C1QTNF6: variants seen among roughly 807,000 people sequenced by gnomAD.
The protein encoded by C1QTNF6 is C1q and TNF related 6, also known as complement C1q tumor necrosis factor-related protein 6.
A neutral mutation model predicts 20.7 loss-of-function variants in C1QTNF6; 17 were observed. The ratio of observed to expected loss-of-function variants is 0.82; its 90% CI spans 0.56 to 1.23. The LOEUF is 1.23. Ranked by LOEUF, C1QTNF6 falls within the 50% of genes most tolerant of loss-of-function variation. The pLI is 0.00. For missense variants in C1QTNF6, 329 were observed against 389.7 expected (o/e 0.84, Z 1.31); for synonymous variants, 130 against 156.3 (o/e 0.83, Z 1.25).
At chr22:37,194,043 C>G (rs1924984838) in intron 2 of C1QTNF6, among the ~76,000 whole-genome samples, 1 of 152,142 alleles carries the variant, frequency 6.6e-6, no homozygotes, top group African/African-American at 2.4e-5. Flanking sequence ...ATTTTTAGGG[C>G]TATCACATGA....
At chr22:37,191,366 C>T (rs1601637288), upstream of C1QTNF6, among the ~76,000 whole-genome samples, 1 of 152,080 alleles carries the variant, frequency 6.6e-6, no homozygotes, top group African/African-American at 2.4e-5. Context: ...ATACCAATAA[C>T]ATATTTATAT....
Position 37,182,096 on chromosome 22 carries a change from G to C in C1QTNF6, c.*92C>G, listed in dbSNP as rs967508866. On this transcript the variant is annotated 3_prime_UTR_variant, in exon 3 of 3. Transcript: ENST00000337843. ...ATGCCAGGTCCCCGGGGACCTCCCTGGCCTTCCTGCTTCACAGCAGTGCAA... is the reference window on the plus strand; with the variant it reads ...ATGCCAGGTCCCCGGGGACCTCCCTCGCCTTCCTGCTTCACAGCAGTGCAA... 1.4e-6 allele frequency: 2 copies of C among 1,403,544 alleles called. No homozygotes were observed. The highest frequency in any genetic ancestry group is 2.9e-5 in the African/African-American group (2 of 69,094). 86.9% of individuals were successfully genotyped at this position (1,403,544 alleles called of 1,614,324 possible). A position where few individuals can be genotyped will look rare whatever the true frequency, so the allele number is the denominator to read the frequency against.
At chr22:37,188,283 A>AAGAGGGAGAGAGGAGGGGAT, upstream of C1QTNF6, 1 of 1,153,062 alleles carries the variant, frequency 8.7e-7, no homozygotes, top group South Asian at 1.4e-5. Context: ...GGCCCAGCAG[A>AAGAGGGAGAGAGGAGGGGAT]GGAGGGAGAG....
chr22:37,192,451 A>G (rs1924879331), upstream of C1QTNF6, among the ~76,000 whole-genome samples: 1 of 147,926 alleles, frequency 6.8e-6, no homozygotes, highest in South Asian at 2.2e-4. Context: ...TAACTCGACA[A>G]GTCCCCAGGC....
At chr22:37,183,423 C>T (rs748546795) in intron 2 of C1QTNF6, among the ~76,000 whole-genome samples, 1 of 152,246 alleles carries the variant, frequency 6.6e-6, no homozygotes, top group Non-Finnish European at 1.5e-5. Context: ...TGGCCCATCC[C>T]GACCTGCTCT....
chr22:37,188,242 A>G lies in C1QTNF6; in HGVS notation c.-29T>C. On this transcript the variant is annotated 5_prime_UTR_variant, in exon 1 of 3. Transcript: ENST00000337843. ...CTCTGGCTCCTTGGCCCATGTCTGC[A>G]ATACTAACTTGTTGCTGGCCCAGAC... 1 of 1,582,992 alleles carries G rather than the reference A, an allele frequency of 6.3e-7. No individual in the cohort carries two copies. The highest frequency in any genetic ancestry group is 8.6e-7 in the Non-Finnish European group (1 of 1,162,608).
chr22:37,197,049 C>T (rs1449334078), intron 1 of C1QTNF6: 1 of 152,308 alleles, frequency 6.6e-6, no homozygotes, highest in Non-Finnish European at 1.5e-5. Context: ...TGGCAGACTA[C>T]AATCCAAGCT....
intron 2 of C1QTNF6, among the ~76,000 whole-genome samples, chr22:37,194,991 G>A (rs181779564): frequency 8.5e-5 from 13 of 152,328 alleles, no homozygotes; most frequent in Admixed American, 6.5e-4. Flanking sequence ...TCAGGAGGTC[G>A]CTTGTCAGTA....
intron 1 of C1QTNF6, 99 bp downstream of exon 1, chr22:37,188,064 A>G: frequency 1.6e-6 from 2 of 1,278,748 alleles, no homozygotes; most frequent in South Asian, 1.4e-5. Flanking sequence ...TCAGAGGGAG[A>G]GAGCAGGGCC....
chr22:37,182,804 A>G, intron 2 of C1QTNF6, 69 bp from the exon 3 acceptor site: 1 of 1,484,176 alleles, frequency 6.7e-7, no homozygotes, highest in Non-Finnish European at 8.9e-7. Context: ...GCCCACACTC[A>G]TCTGTGACGG....
Position 37,182,229 on chromosome 22 carries a change from T to C in C1QTNF6, c.796A>G (p.Ile266Val), listed in dbSNP as rs763206447. Residue 266 changes from isoleucine (I) to valine (V), a missense_variant, in exon 3 of 3, where the codon ATC (isoleucine) becomes GTC (valine). Ile to Val is a conservative substitution (Grantham distance 29). Transcript: ENST00000337843. ...TTGATGAGGTGGCCGCTGAAGGTGATGTAGGTGTCGAAGTCGTTGCTGTAG... is the reference window on the plus strand; with the variant it reads ...TTGATGAGGTGGCCGCTGAAGGTGACGTAGGTGTCGAAGTCGTTGCTGTAG... ...AIYSNDFDTY[I>V]TFSGHLIKAE... 1.2e-6 allele frequency: 2 copies of C among 1,613,856 alleles called. No homozygotes were observed. Among genetic ancestry groups the C allele is most frequent in the Middle Eastern group, 1.6e-4 (1 of 6,084 alleles).
At chr22:37,191,274 T>C (rs2145778316), upstream of C1QTNF6, among the ~76,000 whole-genome samples, 1 of 152,300 alleles carries the variant, frequency 6.6e-6, no homozygotes, top group Middle Eastern at 3.4e-3. Context: ...ATCATAACAA[T>C]TATAATTATT....
In C1QTNF6 at chr22:37,181,939, G is replaced by T. The variant is rs1448849083; in HGVS notation, c.*249C>A. On this transcript the variant is annotated 3_prime_UTR_variant, in exon 3 of 3. Coordinates refer to ENST00000337843, the MANE Select transcript of C1QTNF6 (RefSeq NM_031910.4). ...CATTTCCAAGTTTGAGAAGTGCTGG[G>T]CTACGAGGCTGGGAAAGTTCTAGAA... 11 of 520,594 alleles carry T rather than the reference G, an allele frequency of 2.1e-5. No individual in the cohort carries two copies. Among genetic ancestry groups the T allele is most frequent in the Non-Finnish European group, 1.0e-5 (3 of 294,456 alleles). The allele number at this position is 520,594 out of a possible 1,614,324, so 32.2% of individuals were successfully genotyped here. A position where few individuals can be genotyped will look rare whatever the true frequency, so the allele number is the denominator to read the frequency against.
At chr22:37,185,505 A>G (rs1412895776) in intron 1 of C1QTNF6, 50 bp from the exon 2 acceptor site, 2 of 1,502,860 alleles carry the variant, frequency 1.3e-6, no homozygotes, top group Admixed American at 2.0e-5. Flanking sequence ...AACATCTACT[A>G]TGTGCCGATG....
intron 1 of C1QTNF6, among the ~76,000 whole-genome samples, chr22:37,187,241 AAGG>A (rs934577198): frequency 1.3e-5 from 2 of 150,972 alleles, no homozygotes; most frequent in Admixed American, 6.6e-5. Context: ...TCTGCTCAAT[AAGG>A]AGGTCAAATC....
In C1QTNF6 at chr22:37,187,654, G is replaced by A. The variant is rs111830933; in HGVS notation, c.51+509C>T. ...AAGGAGAACTTCTCCCAGAGGACTG[G>A]CATGGTTTGGGAGCATTTCTGTTTC... On this transcript the variant is annotated intron_variant, in intron 1 of 2. Coordinates refer to ENST00000337843, the MANE Select transcript of C1QTNF6 (RefSeq NM_031910.4). 6.1e-3 allele frequency among the ~76,000 whole-genome samples: 916 copies of A among 151,066 alleles called. 9 individuals carry two copies. The highest frequency in any genetic ancestry group is 0.021 in the African/African-American group (877 of 41,198).
Position 37,181,940 on chromosome 22 carries a change from C to T in C1QTNF6, c.*248G>A. ...ATTTCCAAGTTTGAGAAGTGCTGGG[C>T]TACGAGGCTGGGAAAGTTCTAGAAT... is the stretch of plus-strand genomic sequence containing the variant. On this transcript the variant is annotated 3_prime_UTR_variant, in exon 3 of 3. Coordinates refer to ENST00000337843, the MANE Select transcript of C1QTNF6 (RefSeq NM_031910.4). The T allele has an allele frequency of 1.9e-6, 1 of 522,592 alleles. No homozygotes were observed. Among genetic ancestry groups the T allele is most frequent in the Non-Finnish European group, 3.4e-6 (1 of 295,752 alleles). The allele number at this position is 522,592 out of a possible 1,614,324, so 32.4% of individuals were successfully genotyped here.
At chr22:37,191,116 T>G (rs765519010), upstream of C1QTNF6, among the ~76,000 whole-genome samples, 7 of 152,184 alleles carry the variant, frequency 4.6e-5, no homozygotes, top group Non-Finnish European at 8.8e-5. Context: ...CAGAGTCCTA[T>G]AGCTGATTAT....
chr22:37,184,567 G>T lies in C1QTNF6; in HGVS notation c.289+651C>A. ...ACCTGGATGGCCCTCACCTGGACAG[G>T]CCCCACAGGGCTGCATGCTCCGACC... is the stretch of plus-strand genomic sequence containing the variant. On this transcript the variant is annotated intron_variant, in intron 2 of 2. Transcript: ENST00000337843. This position sits in a 1 kb window ranked among gnomAD's most constrained non-coding sequence, Gnocchi z 4.0. 1.5e-6 allele frequency: 1 copy of T among 656,598 alleles called. No homozygotes were observed. 40.7% of individuals were successfully genotyped at this position (656,598 alleles called of 1,614,324 possible). A position where few individuals can be genotyped will look rare whatever the true frequency, so the allele number is the denominator to read the frequency against.
Sources: allele counts gnomAD v4.1 joint callset (sites outside exome capture counted in the v4.1 genomes callset), GRCh38; gene constraint gnomAD v4.1.1; non-coding constraint Gnocchi (gnomAD v3.1); transcripts MANE v1.5; gene names NCBI Gene and HGNC (gene_info 2026-07-23, HGNC 2026-07-21).